HIVEP2: variants seen among roughly 807,000 people sequenced by gnomAD.
HIVEP2 encodes transcription factor HIVEP2.
A neutral mutation model predicts 180.7 loss-of-function variants in HIVEP2; 14 were observed. The ratio of observed to expected loss-of-function variants is 0.08; its 90% confidence interval spans 0.05 to 0.12. HIVEP2 has a LOEUF of 0.12. Among genes scored for constraint, HIVEP2 ranks in the 10% least tolerant of loss-of-function variants. The pLI, the probability that HIVEP2 is intolerant of heterozygous loss-of-function variation, is 1.00. For synonymous variants in HIVEP2, 1,184 were observed against 1,136.4 expected, an observed-to-expected ratio of 1.04 and a Z score of -0.84; for missense variants, 2,579 against 3,008.5, an observed-to-expected ratio of 0.86 and a Z score of 3.34.
In HIVEP2 at chr6:142,765,496, A is replaced by G. The variant is rs373515112; in HGVS notation, c.5343-522T>C. Among the ~76,000 whole-genome samples the G allele has an allele frequency of 1.3e-3, 202 of 152,338 alleles. 2 individuals carry two copies. In the South Asian group the frequency reaches 0.038, roughly 29 times the overall value. On this transcript the variant is annotated intron_variant, in intron 6 of 9. Transcript: ENST00000367603. ...ACTCTATTTTTACAATCCTGGCACG[A>G]GAGTGCCTCAGAAATTTCTAGTTTA...
At chr6:142,930,237 A>G (rs1436368626) in intron 1 of HIVEP2, among the ~76,000 whole-genome samples, 1 of 152,226 alleles carries the variant, frequency 6.6e-6, no homozygotes, top group Non-Finnish European at 1.5e-5. Context: ...GTGAACAGAT[A>G]TATATAGGAA....
At chr6:142,860,606 A>C (rs1775951741) in intron 1 of HIVEP2, among the ~76,000 whole-genome samples, 1 of 152,208 alleles carries the variant, frequency 6.6e-6, no homozygotes, top group Non-Finnish European at 1.5e-5. Flanking sequence ...ATCATCATGC[A>C]TTAGATTCTC....
At position 142,760,153 on chromosome 6, in the gene HIVEP2, A is replaced by G. The variant is rs1299966858; in HGVS notation, c.6135T>C (p.His2045=). ...GTGAAGAATCATATCCTGGAGAGGAATGGTGGCTTGAGGGTGAGAAGTCCC... is the reference window on the plus strand; with the variant it reads ...GTGAAGAATCATATCCTGGAGAGGAGTGGTGGCTTGAGGGTGAGAAGTCCC... The part of the protein sequence containing the change: ...SPRDFSPSSH[H]SSPGYDSSPC... Residue 2045 remains histidine (H), a synonymous_variant, in exon 9 of 10, where the codon CAT becomes CAC. Coordinates refer to ENST00000367603, the MANE Select transcript of HIVEP2 (RefSeq NM_006734.4). 2.5e-6 allele frequency: 4 copies of G among 1,614,034 alleles called. No homozygotes were observed. Among genetic ancestry groups the G allele is most frequent in the African/African-American group, 1.3e-5 (1 of 74,922 alleles).
At chr6:142,897,312 TA>T (rs1182445096) in intron 1 of HIVEP2, among the ~76,000 whole-genome samples, 28 of 152,150 alleles carry the variant, frequency 1.8e-4, no homozygotes, top group Non-Finnish European at 1.0e-4. Flanking sequence ...ATACCTGCTT[TA>T]AAAAGGCACG....
intron 1 of HIVEP2, among the ~76,000 whole-genome samples, chr6:142,871,039 A>C (rs932490609): frequency 6.6e-6 from 1 of 152,162 alleles, no homozygotes; most frequent in Non-Finnish European, 1.5e-5. Context: ...GGACCAGTGA[A>C]ACCGACATTT....
At chr6:142,760,818 C>A (rs1775212825) in intron 8 of HIVEP2, 151 bp from the exon 9 acceptor site, 6 of 602,364 alleles carry the variant, frequency 1.0e-5, no homozygotes, top group South Asian at 8.8e-5. Flanking sequence ...GAGGCACTTA[C>A]CTGTGTGACC....
chr6:142,811,952 C>G (rs11969393), intron 2 of HIVEP2, among the ~76,000 whole-genome samples: 21,689 of 152,132 alleles, frequency 0.14, 1,661 homozygotes, highest in Middle Eastern at 0.2. Flanking sequence ...ATGCTGGGAG[C>G]CACCTGGCAG....
At chr6:142,825,940 T>C (rs933135012) in intron 2 of HIVEP2, among the ~76,000 whole-genome samples, 1 of 152,002 alleles carries the variant, frequency 6.6e-6, no homozygotes, top group African/African-American at 2.4e-5. Context: ...ATAAAAATAA[T>C]AAATGATTAT....
At chr6:142,757,773 C>G (rs1467075697) in intron 9 of HIVEP2, among the ~76,000 whole-genome samples, 1 of 152,232 alleles carries the variant, frequency 6.6e-6, no homozygotes, top group Non-Finnish European at 1.5e-5. Context: ...CTCTAACTTT[C>G]TGGGCATGTA....
chr6:142,873,414 C>T (rs978930291), intron 1 of HIVEP2, among the ~76,000 whole-genome samples: 3 of 152,146 alleles, frequency 2.0e-5, no homozygotes, highest in Non-Finnish European at 2.9e-5. Context: ...CCAATCACCA[C>T]CATTATTTTG....
chr6:142,881,124 G>A (rs117709083), intron 1 of HIVEP2, among the ~76,000 whole-genome samples: 1,688 of 152,218 alleles, frequency 0.011, 14 homozygotes, highest in Middle Eastern at 0.034. Context: ...GTTCCCTCAG[G>A]AGGGAAATAA....
intron 3 of HIVEP2, among the ~76,000 whole-genome samples, chr6:142,777,648 CAAAAAAAAAAAAAAAAAAAAAA>C (rs58304452): frequency 1.6e-3 from 43 of 27,708 alleles, no homozygotes; most frequent in Admixed American, 9.6e-3. Flanking sequence ...AACTCCATCT[CAAAAAAAAAAAAAAAAAAAAAA>C]AAAAAAAAAA....
chr6:142,857,255 T>C (rs1177932348), intron 1 of HIVEP2, among the ~76,000 whole-genome samples: 1 of 151,930 alleles, frequency 6.6e-6, no homozygotes, highest in Non-Finnish European at 1.5e-5. Context: ...AGATGTTGTC[T>C]GTCAACTTAA....
At chr6:142,784,598 C>G (rs1354821040) in intron 2 of HIVEP2, among the ~76,000 whole-genome samples, 1 of 152,184 alleles carries the variant, frequency 6.6e-6, no homozygotes, top group Non-Finnish European at 1.5e-5. Context: ...GCAATTGAAG[C>G]AAGAACCACG....
chr6:142,939,684 A>G (rs959732006), intron 1 of HIVEP2, among the ~76,000 whole-genome samples: 4 of 152,296 alleles, frequency 2.6e-5, no homozygotes, highest in Non-Finnish European at 1.5e-5. Flanking sequence ...TCTACTCCCA[A>G]TTGTAAGTTT....
At chr6:142,805,478 T>A (rs1253643261) in intron 2 of HIVEP2, among the ~76,000 whole-genome samples, 1 of 150,420 alleles carries the variant, frequency 6.6e-6, no homozygotes, top group African/African-American at 2.4e-5. Flanking sequence ...AGCTTGCTCT[T>A]TCTGTTGGTG....
At chr6:142,932,814 C>A (rs1777971549) in intron 1 of HIVEP2, among the ~76,000 whole-genome samples, 1 of 152,244 alleles carries the variant, frequency 6.6e-6, no homozygotes, top group Non-Finnish European at 1.5e-5. Flanking sequence ...TAAGTGATTT[C>A]TTGCTCAGTT....
Position 142,943,969 on chromosome 6 carries a change from C to A in HIVEP2, c.-641+1130G>T, listed in dbSNP as rs895818247. Among the ~76,000 whole-genome samples, 5 of 152,170 alleles carry A rather than the reference C, an allele frequency of 3.3e-5. No individual in the cohort carries two copies. The highest frequency in any genetic ancestry group is 1.2e-4 in the African/African-American group (5 of 41,434). Reference sequence around the variant, plus strand: ...TCCTCCAAGTGTCTTGATTAAGGACCCTCTCTCTTCTCCGCACTCCCGAGG... The same window carrying A: ...TCCTCCAAGTGTCTTGATTAAGGACACTCTCTCTTCTCCGCACTCCCGAGG... On this transcript the variant is annotated intron_variant, in intron 1 of 9. Coordinates refer to ENST00000367603, the MANE Select transcript of HIVEP2 (RefSeq NM_006734.4). This position sits in a 1 kb window ranked among gnomAD's most constrained non-coding sequence, Gnocchi z 4.5.
chr6:142,795,026 A>G (rs1776249202), intron 2 of HIVEP2, among the ~76,000 whole-genome samples: 1 of 152,170 alleles, frequency 6.6e-6, no homozygotes, highest in African/African-American at 2.4e-5. Flanking sequence ...TGTAAACACT[A>G]AAGAGTGTGT....
Sources: allele counts gnomAD v4.1 joint callset (sites outside exome capture counted in the v4.1 genomes callset), GRCh38; gene constraint gnomAD v4.1.1; non-coding constraint Gnocchi (gnomAD v3.1); transcripts MANE v1.5; gene names NCBI Gene and HGNC (gene_info 2026-07-23, HGNC 2026-07-21).